Variants in FRMPD3 observed in about 807,000 individuals in gnomAD.
FRMPD3 encodes the protein FERM and PDZ domain containing 3.
In FRMPD3, 42 loss-of-function variants were observed where a neutral mutation model predicts 97.9. The observed-to-expected ratio is 0.43, with a 90% CI of 0.34 to 0.55. The LOEUF is 0.55. FRMPD3 is among the 20% of genes least tolerant of loss of function. The probability of loss-of-function intolerance (pLI) is 0.03; values close to 1 mark genes in which losing one functional copy is unlikely to be tolerated. For synonymous variants in FRMPD3, 577 were observed against 581.1 expected (o/e 0.99, Z 0.10); for missense variants, 1,303 against 1,457.7 (o/e 0.89, Z 1.73).
At chrX:107,502,841 T>C (rs899152902) in intron 1 of FRMPD3, among the ~76,000 whole-genome samples, 1 of 112,641 alleles carries the variant, frequency 8.9e-6, no homozygotes, top group Non-Finnish European at 1.9e-5. Context: ...GGAAGGCCCC[T>C]ATGGGGCCAG....
intron 4 of FRMPD3, among the ~76,000 whole-genome samples, chrX:107,543,518 A>C (rs1921415940): frequency 9.0e-6 from 1 of 110,963 alleles, no homozygotes. Context: ...ATCCTGTCTA[A>C]AATAACCTCC....
At chrX:107,455,525 G>A (rs185490567) in intron 1 of FRMPD3, among the ~76,000 whole-genome samples, 5,948 of 111,424 alleles carry the variant, frequency 0.053, 396 homozygotes, top group African/African-American at 0.19. Context: ...GGTCGCACCA[G>A]TGCACTCCAG....
At chrX:107,597,236 A>C in intron 13 of FRMPD3, 85 bp from the exon 14 acceptor site, 2 of 840,613 alleles carry the variant, frequency 2.4e-6, no homozygotes, top group Non-Finnish European at 1.7e-6. Flanking sequence ...ATTGTGCTAC[A>C]GAGACATGGG....
chrX:107,601,122 C>G lies in FRMPD3; in HGVS notation c.3083C>G (p.Ala1028Gly). The G allele has an allele frequency of 8.3e-7, 1 of 1,210,576 alleles. No individual in the cohort carries two copies. Among genetic ancestry groups the G allele is most frequent in the Non-Finnish European group, 1.1e-6 (1 of 895,229 alleles). ...TGGAATTCTCAACATCAGCTGGGTG[C>G]AGAGGTCTCTTCCAGCCCCAGAGCA... is the stretch of plus-strand genomic sequence containing the variant. Reference protein sequence around the residue: ...TSWNSQHQLGAEVSSSPRAPT... With the variant: ...TSWNSQHQLGGEVSSSPRAPT... The change falls in exon 15 of 15, where the codon GCA becomes GGA. Residue 1028 changes from alanine (A) to glycine (G), a missense_variant. By Grantham distance (60) the Ala-to-Gly change is moderately conservative (BLOSUM62 0). Around this residue, in one of 3 missense-constraint regions of FRMPD3, gnomAD observed 764 missense variants for 820.2 expected, o/e 0.93. Coordinates refer to ENST00000683843, the MANE Select transcript of FRMPD3 (RefSeq NM_001388459.1).
Position 107,553,060 on chromosome X carries a change from G to T in FRMPD3, c.642+134G>T, listed in dbSNP as rs762514806. On this transcript the variant is annotated intron_variant, in intron 7 of 14. Transcript: ENST00000683843. ...AAGTCACAGTTCTCACCCAAAGCTG[G>T]TATTATCCACCTCCAGAGGGCTTTT... 5 of 676,092 alleles carry T rather than the reference G, an allele frequency of 7.4e-6. No individual in the cohort carries two copies. The Admixed American group carries it at 1.1e-4, about 15-fold the overall frequency. 55.7% of individuals were successfully genotyped at this position (676,092 alleles called of 1,213,427 possible). A position where few individuals can be genotyped will look rare whatever the true frequency, so the allele number is the denominator to read the frequency against.
Position 107,485,756 on chromosome X carries a change from A to G in FRMPD3, c.-8+35751A>G, listed in dbSNP as rs1307984002. Among the ~76,000 whole-genome samples, 5 of 111,819 alleles carry G rather than the reference A, an allele frequency of 4.5e-5. No homozygotes were observed. The East Asian group carries it at 8.5e-4, about 19-fold the overall frequency. On this transcript the variant is annotated intron_variant, in intron 1 of 14. Coordinates refer to ENST00000683843, the MANE Select transcript of FRMPD3 (RefSeq NM_001388459.1). ...TTATCTCATCCCCTTAAGCCAGGCC[A>G]TTACCCCAGTGCTGAGGGCAGGAGT... is the stretch of plus-strand genomic sequence containing the variant.
intron 11 of FRMPD3, 25 bp from the exon 12 acceptor site, chrX:107,564,862 G>A (rs373521910): frequency 2.6e-5 from 31 of 1,205,441 alleles, no homozygotes; most frequent in African/African-American, 1.8e-4. Flanking sequence ...TTCTGTGAAC[G>A]TTGCCTGCCA....
Position 107,533,084 on chromosome X carries a change from A to G in FRMPD3, c.252-421A>G, listed in dbSNP as rs773557749. Among the ~76,000 whole-genome samples the G allele has an allele frequency of 9.7e-4, 108 of 111,692 alleles. 1 individual carries two copies. The highest frequency in any genetic ancestry group is 5.0e-3 in the Admixed American group (53 of 10,511). On this transcript the variant is annotated intron_variant, in intron 3 of 14. Transcript: ENST00000683843. ...TTCCTTTGAATTTCTCTTCTCACTT[A>G]AATACCAAATTACCAATAATCATTG...
intron 8 of FRMPD3, among the ~76,000 whole-genome samples, chrX:107,559,914 C>T (rs1452464041): frequency 1.8e-5 from 2 of 109,335 alleles, no homozygotes; most frequent in Non-Finnish European, 3.8e-5. Context: ...TGAGTATAAC[C>T]CCCATGAAAA....
chrX:107,483,252 T>C (rs1033678288), intron 1 of FRMPD3, among the ~76,000 whole-genome samples: 1 of 112,553 alleles, frequency 8.9e-6, no homozygotes, highest in Non-Finnish European at 1.9e-5. Context: ...CAAGACTAAG[T>C]GGACCTGGAT....
At chrX:107,585,163 T>C (rs1190086403) in intron 13 of FRMPD3, among the ~76,000 whole-genome samples, 1 of 111,388 alleles carries the variant, frequency 9.0e-6, no homozygotes, top group Admixed American at 9.7e-5. Flanking sequence ...TTCATGTCCC[T>C]TGTTAGCTGT....
chrX:107,600,291 C>T lies in FRMPD3; in HGVS notation c.2264-12C>T. On this transcript the variant is annotated splice_polypyrimidine_tract_variant and intron_variant, in intron 14 of 14. Transcript: ENST00000683843. The stretch of plus-strand genomic sequence containing the variant: ...TCAGTAAGCATAACAAGCCCTATCC[C>T]TGTTCCTCCAGGTCTGATTGTGCTG... 1 of 1,194,934 alleles carries T rather than the reference C, an allele frequency of 8.4e-7. No homozygotes were observed.
intron 8 of FRMPD3, among the ~76,000 whole-genome samples, chrX:107,556,516 A>G (rs1922090394): frequency 9.0e-6 from 1 of 111,529 alleles, no homozygotes; most frequent in Non-Finnish European, 1.9e-5. Flanking sequence ...ACAGTACACA[A>G]TACCATACGT....
intron 5 of FRMPD3, among the ~76,000 whole-genome samples, chrX:107,548,333 G>A (rs914240271): frequency 4.0e-4 from 45 of 112,593 alleles, no homozygotes; most frequent in Non-Finnish European, 3.0e-4. Flanking sequence ...TTAGCATAGT[G>A]TTGGGCATAC....
intron 4 of FRMPD3, among the ~76,000 whole-genome samples, chrX:107,535,451 C>T (rs1923182072): frequency 9.1e-6 from 1 of 110,026 alleles, no homozygotes; most frequent in Non-Finnish European, 1.9e-5. Flanking sequence ...AGGTTGATCA[C>T]TTGAGGCCAG....
At chrX:107,578,053 C>A (rs759736614) in intron 13 of FRMPD3, among the ~76,000 whole-genome samples, 7 of 111,889 alleles carry the variant, frequency 6.3e-5, no homozygotes, top group African/African-American at 2.3e-4. Flanking sequence ...ATGAAAAAGC[C>A]AGCATTAGCA....
chrX:107,488,836 T>A (rs767873516), intron 1 of FRMPD3, among the ~76,000 whole-genome samples: 14 of 111,368 alleles, frequency 1.3e-4, no homozygotes, highest in East Asian at 2.8e-4. Flanking sequence ...TTTTTAATTT[T>A]ATTTTATTAT....
intron 1 of FRMPD3, among the ~76,000 whole-genome samples, chrX:107,476,588 C>T (rs929772186): frequency 8.9e-6 from 1 of 112,197 alleles, no homozygotes; most frequent in Non-Finnish European, 1.9e-5. Flanking sequence ...ACAGGATCCT[C>T]ACATTGATAT....
rs1602782134 is a variant in FRMPD3, at chrX:107,533,488, C to G, written c.252-17C>G. 1 of 1,198,777 alleles carries G rather than the reference C, an allele frequency of 8.3e-7. No individual in the cohort carries two copies. The highest frequency in any genetic ancestry group is 1.1e-6 in the Non-Finnish European group (1 of 885,424). The stretch of plus-strand genomic sequence containing the variant: ...GTGCATGATACACTACTCTCCTATT[C>G]CCTCTTTTCTCTGTAGGAGCGCTAA... On this transcript the variant is annotated splice_polypyrimidine_tract_variant and intron_variant, in intron 3 of 14. Transcript: ENST00000683843.
Sources: gnomAD v4.1 joint callset for allele counts (sites outside exome capture counted in the v4.1 genomes callset) on GRCh38, gnomAD v4.1.1 for gene constraint, gnomAD v4.1.1 regional missense constraint, MANE v1.5 for transcripts, NCBI Gene and HGNC (gene_info 2026-07-23, HGNC 2026-07-21) for gene names.